Variants in GPC6 observed in about 807,000 individuals in gnomAD.
GPC6 encodes glypican 6.
GPC6 carries 14 observed loss-of-function variants against 55.2 expected under a neutral mutation model. The observed-to-expected ratio is 0.25, with a 90% CI of 0.17 to 0.40. The LOEUF (loss-of-function observed/expected upper bound fraction) is 0.40, where lower values mean the gene tolerates loss of function less well. Ranked by LOEUF, GPC6 falls within the 10% of genes least tolerant of loss-of-function variation. GPC6 has a pLI of 1.00. For missense variants in GPC6, 641 were observed against 708.5 expected, an observed-to-expected ratio of 0.90 and a Z score of 1.08; for synonymous variants, 278 against 259.6, an observed-to-expected ratio of 1.07 and a Z score of -0.68.
intron 4 of GPC6, among the ~76,000 whole-genome samples, chr13:94,036,197 T>C (rs1883326647): frequency 6.6e-6 from 1 of 152,034 alleles, no homozygotes; most frequent in South Asian, 2.1e-4. Flanking sequence ...TTTAAAAATA[T>C]CGTGTCCATA....
At chr13:94,004,368 A>G (rs1456925254) in intron 3 of GPC6, among the ~76,000 whole-genome samples, 1 of 151,924 alleles carries the variant, frequency 6.6e-6, no homozygotes, top group African/African-American at 2.4e-5. Flanking sequence ...ATACTTAACA[A>G]TGTCTGAATG....
intron 3 of GPC6, among the ~76,000 whole-genome samples, chr13:93,835,184 T>C (rs917329723): frequency 2.0e-5 from 3 of 152,190 alleles, no homozygotes; most frequent in African/African-American, 7.2e-5. Flanking sequence ...CATGGCATGG[T>C]GTCTCATACT....
At chr13:93,281,261 TTA>T (rs1397150471) in intron 1 of GPC6, among the ~76,000 whole-genome samples, 5 of 152,278 alleles carry the variant, frequency 3.3e-5, no homozygotes, top group African/African-American at 1.2e-4. Context: ...CAACATTTAT[TTA>T]TTTATTTCTC....
intron 1 of GPC6, among the ~76,000 whole-genome samples, chr13:93,234,477 A>G (rs562251603): frequency 6.6e-6 from 1 of 152,234 alleles, no homozygotes; most frequent in Admixed American, 6.5e-5. Context: ...GAAATATTAC[A>G]TTGGTTGCTC....
At chr13:93,677,390 A>C (rs1251653878) in intron 2 of GPC6, among the ~76,000 whole-genome samples, 1 of 152,112 alleles carries the variant, frequency 6.6e-6, no homozygotes, top group East Asian at 1.9e-4. Context: ...TTATAATTGG[A>C]TTACAAAGGC....
intron 1 of GPC6, among the ~76,000 whole-genome samples, chr13:93,422,436 C>T (rs931476797): frequency 2.0e-5 from 3 of 152,116 alleles, no homozygotes; most frequent in Non-Finnish European, 4.4e-5. Flanking sequence ...GTTTCTTTGC[C>T]ACTGCATGGA....
chr13:93,240,503 C>G (rs1214107324), intron 1 of GPC6, among the ~76,000 whole-genome samples: 1 of 152,026 alleles, frequency 6.6e-6, no homozygotes, highest in Non-Finnish European at 1.5e-5. Context: ...TTTTGTTCCA[C>G]TCCTTTACCT....
chr13:93,772,815 C>T (rs1885345353), intron 2 of GPC6, among the ~76,000 whole-genome samples: 1 of 152,054 alleles, frequency 6.6e-6, no homozygotes, highest in African/African-American at 2.4e-5. Context: ...GGCCAAGTGC[C>T]CAGATGCACT....
At chr13:93,911,985 C>G (rs1057176436) in intron 3 of GPC6, among the ~76,000 whole-genome samples, 2 of 152,140 alleles carry the variant, frequency 1.3e-5, no homozygotes, top group Admixed American at 6.5e-5. Flanking sequence ...ATGGGAGATA[C>G]TGCAGGAAGA....
intron 4 of GPC6, among the ~76,000 whole-genome samples, chr13:94,224,277 ATATATATC>A (rs778122287): frequency 8.1e-6 from 1 of 123,528 alleles, no homozygotes. Context: ...ATATATATAT[ATATATATC>A]AAATATACAA....
intron 6 of GPC6, among the ~76,000 whole-genome samples, chr13:94,316,747 A>C (rs532519666): frequency 1.3e-5 from 2 of 151,522 alleles, no homozygotes; most frequent in Non-Finnish European, 2.9e-5. Context: ...ATGAGCAAAA[A>C]CCTTTTACTA....
chr13:93,581,364 GAGCCCCAAATAA>G (rs1437177752), intron 2 of GPC6, among the ~76,000 whole-genome samples: 3 of 152,052 alleles, frequency 2.0e-5, no homozygotes, highest in African/African-American at 7.2e-5. Context: ...CTTAGAATTA[GAGCCCCAAATAA>G]TTTTATTAAC....
intron 5 of GPC6, among the ~76,000 whole-genome samples, chr13:94,292,947 G>A (rs1875075210): frequency 6.6e-6 from 1 of 152,166 alleles, no homozygotes; most frequent in Non-Finnish European, 1.5e-5. Flanking sequence ...TATTGGCTAT[G>A]CCTAGTTGTA....
intron 1 of GPC6, among the ~76,000 whole-genome samples, chr13:93,276,014 A>G (rs752527034): frequency 2.0e-5 from 3 of 152,058 alleles, no homozygotes; most frequent in Non-Finnish European, 2.9e-5. Context: ...AGCTGGGACT[A>G]CAGGCGCCCG....
At chr13:93,561,404 G>GTAT (rs1875785435) in intron 2 of GPC6, among the ~76,000 whole-genome samples, 1 of 104,666 alleles carries the variant, frequency 9.6e-6, no homozygotes, top group Non-Finnish European at 2.0e-5. Context: ...TATCCCTATC[G>GTAT]ATATATATAT....
intron 3 of GPC6, among the ~76,000 whole-genome samples, chr13:93,901,901 A>G (rs1876376124): frequency 6.8e-6 from 1 of 146,002 alleles, no homozygotes; most frequent in African/African-American, 2.6e-5. Flanking sequence ...ATTCCATTAA[A>G]AAAAAAAAAA....
chr13:94,273,404 G>C (rs1892105138), intron 4 of GPC6, among the ~76,000 whole-genome samples: 1 of 152,136 alleles, frequency 6.6e-6, no homozygotes, highest in African/African-American at 2.4e-5. Context: ...TTTGTGAAGG[G>C]TAATTCAGGA....
At chr13:94,300,141 A>G (rs1305928884) in intron 5 of GPC6, among the ~76,000 whole-genome samples, 1 of 152,154 alleles carries the variant, frequency 6.6e-6, no homozygotes, top group African/African-American at 2.4e-5. Context: ...GCTGAGTAGA[A>G]AGTGGGAAGA....
intron 3 of GPC6, among the ~76,000 whole-genome samples, chr13:93,839,984 A>G (rs930548224): frequency 1.3e-5 from 2 of 152,064 alleles, no homozygotes; most frequent in Non-Finnish European, 2.9e-5. Context: ...GGCTTCATAG[A>G]ATGAATTAGG....
Sources: allele counts gnomAD v4.1 joint callset (sites outside exome capture counted in the v4.1 genomes callset), GRCh38; gene constraint gnomAD v4.1.1; transcripts MANE v1.5; gene names NCBI Gene and HGNC (gene_info 2026-07-23, HGNC 2026-07-21).